CAMK2D: variants seen among roughly 807,000 people sequenced by gnomAD.
CAMK2D encodes the protein calcium/calmodulin dependent protein kinase II delta.
In CAMK2D, 37 loss-of-function variants were observed where a neutral mutation model predicts 84.0. The observed-to-expected ratio is 0.44, with a 90% CI of 0.34 to 0.58. The LOEUF is 0.58. Ranked by LOEUF, CAMK2D falls within the 20% of genes least tolerant of loss-of-function variation. The probability of loss-of-function intolerance (pLI) is 0.02; values close to 1 mark genes in which losing one functional copy is unlikely to be tolerated. For synonymous variants in CAMK2D, 202 were observed against 212.5 expected (o/e 0.95, Z 0.43); for missense variants, 448 against 652.5 (o/e 0.69, Z 3.41).
At chr4:113,521,752 A>G (rs1590658211) in intron 8 of CAMK2D, among the ~76,000 whole-genome samples, 2 of 150,930 alleles carry the variant, frequency 1.3e-5, no homozygotes, top group East Asian at 4.1e-4. Flanking sequence ...TTACTGTCAT[A>G]TTTAGAGTCC....
chr4:113,523,974 C>T (rs2098395992), intron 8 of CAMK2D, among the ~76,000 whole-genome samples: 1 of 151,920 alleles, frequency 6.6e-6, no homozygotes, highest in Non-Finnish European at 1.5e-5. Flanking sequence ...AATGATCTTC[C>T]CGGGCTCAGC....
intron 16 of CAMK2D, among the ~76,000 whole-genome samples, chr4:113,474,351 T>C (rs1431942521): frequency 6.6e-6 from 1 of 152,168 alleles, no homozygotes; most frequent in Non-Finnish European, 1.5e-5. Context: ...GTTCTAAGCA[T>C]TCTCTAAGGG....
At chr4:113,626,982 C>A (rs548002616) in intron 3 of CAMK2D, among the ~76,000 whole-genome samples, 2 of 152,136 alleles carry the variant, frequency 1.3e-5, no homozygotes, top group Admixed American at 6.5e-5. Context: ...ATTCACTATA[C>A]AAATGAAGAA....
At chr4:113,481,097 C>T (rs774575337) in intron 16 of CAMK2D, among the ~76,000 whole-genome samples, 7 of 152,232 alleles carry the variant, frequency 4.6e-5, no homozygotes, top group African/African-American at 1.4e-4. Flanking sequence ...CATGCATTTT[C>T]GGTGTTTTTA....
intron 3 of CAMK2D, among the ~76,000 whole-genome samples, chr4:113,637,463 G>T (rs1019574980): frequency 2.0e-5 from 3 of 152,138 alleles, no homozygotes; most frequent in Non-Finnish European, 4.4e-5. Context: ...AGTCTAAGAG[G>T]GAGTTAAAGT....
chr4:113,748,932 TAACA>T (rs1001366761), intron 2 of CAMK2D, among the ~76,000 whole-genome samples: 11 of 151,892 alleles, frequency 7.2e-5, no homozygotes, highest in Non-Finnish European at 1.5e-4. Context: ...ATTCTATACC[TAACA>T]AATATTAATG....
chr4:113,591,853 T>C (rs76630343), intron 4 of CAMK2D, among the ~76,000 whole-genome samples: 6,059 of 152,218 alleles, frequency 0.04, 350 homozygotes, highest in East Asian at 0.19. Flanking sequence ...TAGAGTCTTC[T>C]GTGTCTTCCC....
At chr4:113,714,099 T>C (rs1370188015) in intron 2 of CAMK2D, among the ~76,000 whole-genome samples, 2 of 152,090 alleles carry the variant, frequency 1.3e-5, no homozygotes, top group African/African-American at 4.8e-5. Context: ...GGGGTAAAGT[T>C]TCAAATAGTG....
chr4:113,539,933 G>A (rs565069100), intron 6 of CAMK2D, among the ~76,000 whole-genome samples: 1 of 152,110 alleles, frequency 6.6e-6, no homozygotes, highest in Admixed American at 6.5e-5. Flanking sequence ...AGGATGATGA[G>A]TTTAAGGGAT....
chr4:113,481,126 G>A (rs977073436), intron 16 of CAMK2D, among the ~76,000 whole-genome samples: 8 of 152,132 alleles, frequency 5.3e-5, no homozygotes, highest in Admixed American at 6.5e-5. Context: ...ATTATGGAGC[G>A]AGGTAATTAT....
intron 2 of CAMK2D, among the ~76,000 whole-genome samples, chr4:113,741,798 G>C (rs2148928525): frequency 6.6e-6 from 1 of 152,168 alleles, no homozygotes. Flanking sequence ...ACATCATCAT[G>C]TACTTCTCTC....
intron 16 of CAMK2D, among the ~76,000 whole-genome samples, chr4:113,468,759 G>A (rs906229807): frequency 6.6e-6 from 1 of 152,148 alleles, no homozygotes; most frequent in African/African-American, 2.4e-5. Context: ...CACTCCAAAA[G>A]TCAAAGTGGA....
chr4:113,537,815 G>A (rs2098503768), intron 6 of CAMK2D, among the ~76,000 whole-genome samples: 1 of 152,188 alleles, frequency 6.6e-6, no homozygotes, highest in South Asian at 2.1e-4. Context: ...ATTTTCAGCA[G>A]AAGGAAACTT....
intron 2 of CAMK2D, chr4:113,679,505 A>G (rs1592920548): frequency 1.1e-6 from 1 of 873,602 alleles, no homozygotes. Context: ...TCCTGATTTT[A>G]AAAATCAATA....
At chr4:113,617,664 A>AT (rs1310123729) in intron 3 of CAMK2D, among the ~76,000 whole-genome samples, 2 of 151,518 alleles carry the variant, frequency 1.3e-5, no homozygotes, top group African/African-American at 2.4e-5. Context: ...AAACAGAACA[A>AT]TTTTTTTTGT....
At chr4:113,664,525 T>C (rs889145834) in intron 2 of CAMK2D, among the ~76,000 whole-genome samples, 2 of 152,172 alleles carry the variant, frequency 1.3e-5, no homozygotes, top group African/African-American at 4.8e-5. Context: ...GGTAAGGGTC[T>C]GAGTTCCTAG....
chr4:113,488,996 TAGA>T (rs2097792710), intron 16 of CAMK2D, among the ~76,000 whole-genome samples: 4 of 152,090 alleles, frequency 2.6e-5, no homozygotes, highest in East Asian at 1.9e-4. Flanking sequence ...AGAGGTAAAA[TAGA>T]AGAAATATAT....
chr4:113,621,260 C>G (rs1198255011), intron 3 of CAMK2D, among the ~76,000 whole-genome samples: 1 of 152,122 alleles, frequency 6.6e-6, no homozygotes, highest in Admixed American at 6.5e-5. Context: ...CATACTTGGT[C>G]TGAATATGCA....
At chr4:113,581,806 T>C (rs1323364957) in intron 4 of CAMK2D, among the ~76,000 whole-genome samples, 1 of 152,180 alleles carries the variant, frequency 6.6e-6, no homozygotes, top group East Asian at 1.9e-4. Flanking sequence ...GTAATTTTCC[T>C]GTCTTTTCAT....
Sources: allele counts gnomAD v4.1 joint callset (sites outside exome capture counted in the v4.1 genomes callset), GRCh38; gene constraint gnomAD v4.1.1; transcripts MANE v1.5; gene names NCBI Gene and HGNC (gene_info 2026-07-23, HGNC 2026-07-21).